TBXAS1: variants seen among roughly 807,000 people sequenced by gnomAD.
TBXAS1 encodes the protein thromboxane A synthase 1, also known as thromboxane-A synthase.
TBXAS1 carries 48 observed loss-of-function variants against 60.7 expected under a neutral mutation model. The observed-to-expected ratio is 0.79, with a 90% CI of 0.63 to 1.01. The LOEUF (loss-of-function observed/expected upper bound fraction) is 1.01, where lower values mean the gene tolerates loss of function less well. TBXAS1 is among the 50% of genes least tolerant of loss of function. The pLI, the probability that TBXAS1 is intolerant of heterozygous loss-of-function variation, is 0.00. For synonymous variants in TBXAS1, 287 were observed against 269.7 expected (o/e 1.06, Z -0.63); for missense variants, 685 against 686.3 (o/e 1.00, Z 0.02).
intron 4 of TBXAS1, among the ~76,000 whole-genome samples, chr7:139,793,416 TAA>T (rs374676463): frequency 6.9e-6 from 1 of 145,602 alleles, no homozygotes; most frequent in Non-Finnish European, 1.5e-5. Context: ...GAGAATCCAT[TAA>T]AAAAAAAAAG....
intron 10 of TBXAS1, among the ~76,000 whole-genome samples, chr7:140,009,669 C>T (rs1814398627): frequency 9.2e-6 from 1 of 108,646 alleles, no homozygotes; most frequent in Non-Finnish European, 1.9e-5. Context: ...ACCCGCTCCA[C>T]ACCTGCCCCA....
At chr7:139,937,201 C>A (rs530669335) in intron 5 of TBXAS1, among the ~76,000 whole-genome samples, 6 of 152,208 alleles carry the variant, frequency 3.9e-5, no homozygotes, top group African/African-American at 1.4e-4. Context: ...GGCTAAGGGG[C>A]TTCTTTAGTT....
At chr7:139,804,199 G>A (rs945184202) in intron 4 of TBXAS1, among the ~76,000 whole-genome samples, 1 of 152,226 alleles carries the variant, frequency 6.6e-6, no homozygotes, top group Non-Finnish European at 1.5e-5. Context: ...AGCATGCCCT[G>A]GATGTGAGAC....
chr7:139,875,795 A>C, intron 3 of TBXAS1, 158 bp downstream of exon 3: 3 of 940,424 alleles, frequency 3.2e-6, no homozygotes, highest in Non-Finnish European at 4.9e-6. Flanking sequence ...GGAGTCCTGC[A>C]GTACAGACAA....
intron 5 of TBXAS1, among the ~76,000 whole-genome samples, chr7:139,942,201 A>G (rs1002445307): frequency 2.0e-5 from 3 of 152,246 alleles, no homozygotes; most frequent in African/African-American, 7.2e-5. Context: ...GATTTGAAAT[A>G]TGGAGGACCG....
chr7:139,834,113 C>G (rs1041091704), intron 1 of TBXAS1, among the ~76,000 whole-genome samples: 1 of 152,214 alleles, frequency 6.6e-6, no homozygotes, highest in Non-Finnish European at 1.5e-5. Flanking sequence ...CAAGCACTCT[C>G]TCAGACCACA....
At position 139,937,535 on chromosome 7, in the gene TBXAS1, G is replaced by C. The variant is rs1454367020; in HGVS notation, c.450+1228G>C. 5.3e-5 allele frequency among the ~76,000 whole-genome samples: 8 copies of C among 151,936 alleles called. No individual in the cohort carries two copies. The South Asian group carries it at 1.5e-3, about 28-fold the overall frequency. On this transcript the variant is annotated intron_variant, in intron 5 of 12. Transcript: ENST00000448866. ...TTTCCATGGGTAGCTGTTGGTGTTTGGGGGCAGAGCCTGTCTCTGTATGCA... is the reference window on the plus strand; with the variant it reads ...TTTCCATGGGTAGCTGTTGGTGTTTCGGGGCAGAGCCTGTCTCTGTATGCA...
chr7:139,959,867 G>A (rs1222716991), intron 8 of TBXAS1, among the ~76,000 whole-genome samples: 4 of 152,088 alleles, frequency 2.6e-5, no homozygotes, highest in Admixed American at 6.5e-5. Flanking sequence ...AGAGCTGAGG[G>A]AGCAAGGGAT....
intron 9 of TBXAS1, among the ~76,000 whole-genome samples, chr7:139,997,069 C>G (rs1310998735): frequency 6.6e-6 from 1 of 152,200 alleles, no homozygotes; most frequent in African/African-American, 2.4e-5. Flanking sequence ...TTCAGTGGCT[C>G]CCTATTACCA....
At chr7:139,816,144 T>C (rs1798142791) in intron 4 of TBXAS1, among the ~76,000 whole-genome samples, 3 of 152,216 alleles carry the variant, frequency 2.0e-5, no homozygotes. Context: ...CCTGCCGCCT[T>C]GTGAAGAAGG....
chr7:139,834,200 G>T (rs1034508498), intron 1 of TBXAS1, among the ~76,000 whole-genome samples: 2 of 152,164 alleles, frequency 1.3e-5, no homozygotes, highest in African/African-American at 2.4e-5. Context: ...TAAATAACCT[G>T]CTTCTGAATG....
At chr7:139,927,221 C>A (rs1324728271) in intron 4 of TBXAS1, among the ~76,000 whole-genome samples, 1 of 151,108 alleles carries the variant, frequency 6.6e-6, no homozygotes, top group African/African-American at 2.4e-5. Flanking sequence ...TGGTCTCAAA[C>A]TCCTGGCCTC....
intron 4 of TBXAS1, among the ~76,000 whole-genome samples, chr7:139,796,729 GA>G (rs751681687): frequency 1.1e-4 from 16 of 152,158 alleles, no homozygotes; most frequent in Admixed American, 3.3e-4. Context: ...AAACTGGAAG[GA>G]GGGCCAGGTT....
intron 4 of TBXAS1, among the ~76,000 whole-genome samples, chr7:139,810,201 CT>C (rs372822884): frequency 4.0e-4 from 61 of 151,572 alleles, no homozygotes; most frequent in Non-Finnish European, 4.3e-4. Context: ...CAATGCCTGA[CT>C]TTTTTTTTCT....
intron 9 of TBXAS1, among the ~76,000 whole-genome samples, chr7:139,977,163 A>T (rs930529529): frequency 2.0e-5 from 3 of 152,188 alleles, no homozygotes; most frequent in Non-Finnish European, 2.9e-5. Flanking sequence ...AGGGTGTATT[A>T]GTCCGTTTTC....
At chr7:139,878,453 G>A (rs540011174) in intron 3 of TBXAS1, among the ~76,000 whole-genome samples, 22 of 151,850 alleles carry the variant, frequency 1.4e-4, no homozygotes, top group African/African-American at 5.3e-4. Flanking sequence ...TAGTGAAAAG[G>A]AAAAAAGAAA....
intron 4 of TBXAS1, among the ~76,000 whole-genome samples, chr7:139,788,702 G>A (rs1240053882): frequency 6.6e-6 from 1 of 152,244 alleles, no homozygotes; most frequent in African/African-American, 2.4e-5. Context: ...ATGTGTGGAG[G>A]AGAAGAGGAA....
intron 3 of TBXAS1, among the ~76,000 whole-genome samples, chr7:139,910,819 A>G (rs1805459879): frequency 6.6e-6 from 1 of 152,142 alleles, no homozygotes; most frequent in African/African-American, 2.4e-5. Flanking sequence ...TAGAATTCCT[A>G]TCTTTCCGTT....
intron 2 of TBXAS1, chr7:139,782,482 CT>C (rs1455895571): frequency 2.6e-5 from 4 of 151,110 alleles, no homozygotes; most frequent in African/African-American, 9.8e-5. Context: ...TCATGTATGC[CT>C]ATAGTTGTGA....
Sources: gnomAD v4.1 joint callset for allele counts (sites outside exome capture counted in the v4.1 genomes callset) on GRCh38, gnomAD v4.1.1 for gene constraint, MANE v1.5 for transcripts, NCBI Gene and HGNC (gene_info 2026-07-23, HGNC 2026-07-21) for gene names.